Variants in ZNF407 observed in about 807,000 individuals in gnomAD.
ZNF407 encodes zinc finger protein 407.
In ZNF407, 17 loss-of-function variants were observed where a neutral mutation model predicts 131.2. The observed-to-expected ratio is 0.13, with a 90% CI of 0.09 to 0.19. The LOEUF (loss-of-function observed/expected upper bound fraction) is 0.19. Among genes scored for constraint, ZNF407 ranks in the 10% least tolerant of loss-of-function variants. ZNF407 has a pLI of 1.00. For synonymous variants in ZNF407, 1,156 were observed against 1,062.0 expected, an observed-to-expected ratio of 1.09 and a Z score of -1.72; for missense variants, 2,681 against 2,830.6, an observed-to-expected ratio of 0.95 and a Z score of 1.20.
chr18:74,598,091 C>G (rs576432813), intron 1 of ZNF407, 154 bp downstream of exon 1: 1 of 151,728 alleles, frequency 6.6e-6, no homozygotes, highest in South Asian at 2.1e-4. Context: ...TCCCCCCTCC[C>G]CCCGCCTCCG....
intron 3 of ZNF407, among the ~76,000 whole-genome samples, chr18:74,713,637 A>G (rs1313719970): frequency 6.6e-6 from 1 of 152,302 alleles, no homozygotes; most frequent in East Asian, 1.9e-4. Flanking sequence ...TTATTAAAAG[A>G]GAAATGCCCT....
chr18:74,993,012 T>G (rs1225795685), intron 8 of ZNF407, among the ~76,000 whole-genome samples: 3 of 152,192 alleles, frequency 2.0e-5, no homozygotes, highest in African/African-American at 7.2e-5. Flanking sequence ...GCATCTGGAA[T>G]TGTTGGGCAT....
intron 3 of ZNF407, among the ~76,000 whole-genome samples, chr18:74,761,166 C>T (rs772197045): frequency 6.6e-6 from 1 of 151,678 alleles, no homozygotes; most frequent in African/African-American, 2.4e-5. Flanking sequence ...TATTGGAGTA[C>T]TATATTGATC....
chr18:74,851,837 G>A (rs1342816841), intron 4 of ZNF407, among the ~76,000 whole-genome samples: 2 of 152,146 alleles, frequency 1.3e-5, no homozygotes, highest in Non-Finnish European at 2.9e-5. Flanking sequence ...GCATTCATTT[G>A]GAATTCTTGC....
chr18:75,031,713 A>C (rs1251762835), intron 8 of ZNF407, among the ~76,000 whole-genome samples: 1 of 152,224 alleles, frequency 6.6e-6, no homozygotes, highest in African/African-American at 2.4e-5. Flanking sequence ...AGTGATTTTC[A>C]AGTCGTAACT....
At chr18:74,892,708 G>A (rs1447868002) in intron 7 of ZNF407, among the ~76,000 whole-genome samples, 2 of 152,148 alleles carry the variant, frequency 1.3e-5, no homozygotes, top group Admixed American at 6.5e-5. Flanking sequence ...TAATTGCTGA[G>A]AATACAGCTT....
At chr18:75,015,286 T>A (rs910024649) in intron 8 of ZNF407, among the ~76,000 whole-genome samples, 2 of 151,860 alleles carry the variant, frequency 1.3e-5, no homozygotes, top group African/African-American at 4.8e-5. Context: ...TGTGTAAAAT[T>A]ACTCTCAGCA....
chr18:74,902,899 A>G (rs1213509066), intron 7 of ZNF407, among the ~76,000 whole-genome samples: 1 of 152,180 alleles, frequency 6.6e-6, no homozygotes, highest in African/African-American at 2.4e-5. Flanking sequence ...CTCTTATCAT[A>G]TGTTGCACCT....
At chr18:74,663,600 T>G (rs1240925517) in intron 3 of ZNF407, among the ~76,000 whole-genome samples, 4 of 152,120 alleles carry the variant, frequency 2.6e-5, no homozygotes, top group Non-Finnish European at 4.4e-5. Context: ...AAACTGCGCA[T>G]TTAGGATAAT....
chr18:74,936,577 A>G (rs1972042405), intron 8 of ZNF407, among the ~76,000 whole-genome samples: 2 of 151,968 alleles, frequency 1.3e-5, no homozygotes. Flanking sequence ...AAAACAGAAG[A>G]CTCCGTAAGG....
chr18:74,817,266 T>G (rs567741143), intron 4 of ZNF407, among the ~76,000 whole-genome samples: 1 of 152,282 alleles, frequency 6.6e-6, no homozygotes, highest in East Asian at 1.9e-4. Flanking sequence ...AGGGAGTGAG[T>G]GTTGGTGCCT....
chr18:74,917,135 T>C, intron 7 of ZNF407, among the ~76,000 whole-genome samples: 1 of 152,114 alleles, frequency 6.6e-6, no homozygotes, highest in Non-Finnish European at 1.5e-5. Context: ...GCAACCTTCC[T>C]GGGTTTTTAA....
chr18:74,686,395 A>T (rs1023497960), intron 3 of ZNF407, among the ~76,000 whole-genome samples: 5 of 152,188 alleles, frequency 3.3e-5, no homozygotes, highest in African/African-American at 1.2e-4. Context: ...CCCCAGAATG[A>T]GGTTTTTATC....
At chr18:74,598,926 A>G (rs1275347650) in intron 1 of ZNF407, among the ~76,000 whole-genome samples, 1 of 152,234 alleles carries the variant, frequency 6.6e-6, no homozygotes, top group Non-Finnish European at 1.5e-5. Context: ...ATCCGTGGAC[A>G]CACATGTAGA....
chr18:74,889,890 A>G, intron 6 of ZNF407, 28 bp from the exon 7 acceptor site: 1 of 1,583,538 alleles, frequency 6.3e-7, no homozygotes, highest in Non-Finnish European at 8.6e-7. Context: ...ATTATTATTC[A>G]TCTGTAACAT....
chr18:74,928,835 G>A (rs1312674218), intron 8 of ZNF407, among the ~76,000 whole-genome samples: 1 of 152,082 alleles, frequency 6.6e-6, no homozygotes, highest in African/African-American at 2.4e-5. Flanking sequence ...CTTTGGCCGA[G>A]AAGGGGACCA....
chr18:75,054,108 C>T (rs1318537400), intron 8 of ZNF407, among the ~76,000 whole-genome samples: 1 of 152,250 alleles, frequency 6.6e-6, no homozygotes, highest in African/African-American at 2.4e-5. Context: ...GAAAGAGCAG[C>T]CATGTGCCCA....
At chr18:74,930,874 A>C (rs1971975382) in intron 8 of ZNF407, among the ~76,000 whole-genome samples, 1 of 152,114 alleles carries the variant, frequency 6.6e-6, no homozygotes, top group African/African-American at 2.4e-5. Flanking sequence ...CCTTAAGGAG[A>C]CCTGGTTCCT....
intron 8 of ZNF407, among the ~76,000 whole-genome samples, chr18:75,025,362 A>G (rs1973158992): frequency 6.6e-6 from 1 of 152,210 alleles, no homozygotes; most frequent in South Asian, 2.1e-4. Context: ...ATTTTCATAA[A>G]CTTTGAACAA....
Sources: allele counts gnomAD v4.1 joint callset (sites outside exome capture counted in the v4.1 genomes callset), GRCh38; gene constraint gnomAD v4.1.1; transcripts MANE v1.5; gene names NCBI Gene and HGNC (gene_info 2026-07-23, HGNC 2026-07-21).